The following DPYSL2 variants were observed in gnomAD, a reference collection of about 807,000 sequenced individuals.
DPYSL2 encodes the protein dihydropyrimidinase like 2.
DPYSL2 carries 13 observed loss-of-function variants against 69.9 expected under a neutral mutation model. That is an observed-to-expected ratio of 0.19 (90% CI 0.12 to 0.30). DPYSL2 has a LOEUF of 0.30. DPYSL2 is among the 10% of genes least tolerant of loss of function. The probability of loss-of-function intolerance (pLI) is 1.00; values close to 1 mark genes in which losing one functional copy is unlikely to be tolerated. For synonymous variants in DPYSL2, 326 were observed against 359.1 expected, an observed-to-expected ratio of 0.91 and a Z score of 1.04; for missense variants, 587 against 918.9, an observed-to-expected ratio of 0.64 and a Z score of 4.67.
At chr8:26,552,573 G>A (rs553182108) in intron 1 of DPYSL2, among the ~76,000 whole-genome samples, 76 of 152,322 alleles carry the variant, frequency 5.0e-4, no homozygotes, top group African/African-American at 1.8e-3. Flanking sequence ...TGGAGGCTGG[G>A]AAGTCCAAAG....
intron 1 of DPYSL2, among the ~76,000 whole-genome samples, chr8:26,525,212 G>T (rs1380828361): frequency 2.6e-5 from 4 of 152,066 alleles, no homozygotes; most frequent in Non-Finnish European, 5.9e-5. Flanking sequence ...AATTTCATGA[G>T]TTTTTGAAAT....
rs1449158905 is a variant in DPYSL2 at position 26,630,607 on chromosome 8, C to T, written c.1005+2667C>T. 4.8e-5 allele frequency among the ~76,000 whole-genome samples: 4 copies of T among 83,136 alleles called. No homozygotes were observed. The South Asian group carries it at 1.2e-3, about 25-fold the overall frequency. 54.5% of individuals were successfully genotyped at this position (83,136 alleles called of 152,430 possible). On this transcript the variant is annotated intron_variant, in intron 7 of 13. Coordinates refer to ENST00000521913, the MANE Select transcript of DPYSL2 (RefSeq NM_001197293.3). ...GAGGTACAACATCTCCTTCCCACAA[C>T]TCCAGGGATGCCATTCATGCAGGCT...
chr8:26,655,761 T>C lies in DPYSL2; in HGVS notation c.*55T>C. 1.5e-6 allele frequency: 2 copies of C among 1,357,946 alleles called. No individual in the cohort carries two copies. The highest frequency in any genetic ancestry group is 2.0e-6 in the Non-Finnish European group (2 of 1,008,218). 84.1% of individuals were successfully genotyped at this position (1,357,946 alleles called of 1,614,324 possible). A position where few individuals can be genotyped will look rare whatever the true frequency, so the allele number is the denominator to read the frequency against. On this transcript the variant is annotated 3_prime_UTR_variant, in exon 14 of 14. Transcript: ENST00000521913. Reference sequence around the variant, plus strand: ...CTGGGGATGGGACACCTGAGGACATTCTGAGACTTCTTTCTTCCTTCCTTT... The same window carrying C: ...CTGGGGATGGGACACCTGAGGACATCCTGAGACTTCTTTCTTCCTTCCTTT...
At position 26,605,432 on chromosome 8, in the gene DPYSL2, A is replaced by G. The variant is rs966519300; in HGVS notation, c.629-18711A>G. ...TCTCAAGTAGAGTAGCCAGGATTAC[A>G]TGCACCCACTACCACACCCAGCTAA... On this transcript the variant is annotated intron_variant, in intron 3 of 13. Transcript: ENST00000521913. This position sits in a 1 kb window ranked among gnomAD's most constrained non-coding sequence, Gnocchi z 4.1. 2.6e-5 allele frequency among the ~76,000 whole-genome samples: 4 copies of G among 152,052 alleles called. No homozygotes were observed. The highest frequency in any genetic ancestry group is 9.7e-5 in the African/African-American group (4 of 41,410).
chr8:26,595,490 G>T (rs924909782), intron 3 of DPYSL2, among the ~76,000 whole-genome samples: 1 of 152,088 alleles, frequency 6.6e-6, no homozygotes, highest in Non-Finnish European at 1.5e-5. Context: ...TTTATAAGTG[G>T]CCATTGCTGT....
At chr8:26,651,552 GAATGACTCCTGTGC>G (rs1563200292) in intron 11 of DPYSL2, among the ~76,000 whole-genome samples, 2 of 152,196 alleles carry the variant, frequency 1.3e-5, no homozygotes, top group Non-Finnish European at 2.9e-5. Context: ...CTGCAGGATG[GAATGACTCCTGTGC>G]AATGACTCCT....
chr8:26,583,554 T>C (rs1801534286), intron 2 of DPYSL2, among the ~76,000 whole-genome samples: 1 of 152,210 alleles, frequency 6.6e-6, no homozygotes, highest in Non-Finnish European at 1.5e-5. Context: ...GGGGGTTTCT[T>C]GGGAACAAAA....
rs555615058 is a variant in DPYSL2 at position 26,609,100 on chromosome 8, C to T, written c.629-15043C>T. ...TTTGCTGACGAGCACCCTGTGTACA[C>T]GCTAGTTTTTATTTGAACGAGGTGC... On this transcript the variant is annotated intron_variant, in intron 3 of 13. Transcript: ENST00000521913. The surrounding 1 kb of genome is among the most constrained non-coding windows in gnomAD (Gnocchi z 6.5). 4.6e-5 allele frequency among the ~76,000 whole-genome samples: 7 copies of T among 152,154 alleles called. No individual in the cohort carries two copies. The highest frequency in any genetic ancestry group is 4.1e-4 in the South Asian group (2 of 4,826).
chr8:26,577,539 G>C (rs1348197644), intron 1 of DPYSL2, among the ~76,000 whole-genome samples: 11 of 149,112 alleles, frequency 7.4e-5, no homozygotes, highest in Admixed American at 3.3e-4. Context: ...GCGCAGGCGG[G>C]CAGGGACCGG....
chr8:26,588,194 C>T lies in DPYSL2; in HGVS notation c.628+4211C>T, dbSNP rs1801646553. ...TCTTGTACACTGAGCTCTACTCTCC[C>T]CCGCATGGCCGGAGAAACAGGCTGA... On this transcript the variant is annotated intron_variant, in intron 3 of 13. Transcript: ENST00000521913. This position sits in a 1 kb window ranked among gnomAD's most constrained non-coding sequence, Gnocchi z 5.4. Among the ~76,000 whole-genome samples the T allele has an allele frequency of 6.6e-6, 1 of 152,224 alleles. No homozygotes were observed. Among genetic ancestry groups the T allele is most frequent in the Non-Finnish European group, 1.5e-5 (1 of 68,046 alleles).
Position 26,624,377 on chromosome 8 carries a change from G to A in DPYSL2, c.793+70G>A. 6.4e-7 allele frequency: 1 copy of A among 1,553,282 alleles called. No homozygotes were observed. ...AGTCCATCAACTGGCACAGCCCTGG[G>A]AAGAAAGTGATAATGCTTCCAGATC... On this transcript the variant is annotated intron_variant, in intron 4 of 13. Coordinates refer to ENST00000521913, the MANE Select transcript of DPYSL2 (RefSeq NM_001197293.3). This position sits in a 1 kb window ranked among gnomAD's most constrained non-coding sequence, Gnocchi z 4.7.
intron 3 of DPYSL2, among the ~76,000 whole-genome samples, chr8:26,595,320 C>A (rs1045929834): frequency 2.7e-4 from 40 of 150,708 alleles, no homozygotes; most frequent in Non-Finnish European, 8.9e-5. Flanking sequence ...TTTTTTTTTC[C>A]TCCTCCAAAT....
rs562329248 is a variant in DPYSL2 at position 26,610,313 on chromosome 8, A to G, written c.629-13830A>G. 6.6e-6 allele frequency among the ~76,000 whole-genome samples: 1 copy of G among 152,296 alleles called. No individual in the cohort carries two copies. The highest frequency in any genetic ancestry group is 2.1e-4 in the South Asian group (1 of 4,822). Reference sequence around the variant, plus strand: ...TGTTCCTGATACATTCTGTTGGGATACAGTCCATTTGATAGGAAGGTTGTT... The same window carrying G: ...TGTTCCTGATACATTCTGTTGGGATGCAGTCCATTTGATAGGAAGGTTGTT... On this transcript the variant is annotated intron_variant, in intron 3 of 13. Transcript: ENST00000521913. The surrounding 1 kb of genome is among the most constrained non-coding windows in gnomAD (Gnocchi z 4.5).
chr8:26,556,128 A>AG (rs1366442697), intron 1 of DPYSL2, among the ~76,000 whole-genome samples: 331 of 5,914 alleles, frequency 0.056, 32 homozygotes, highest in Middle Eastern at 0.5. Context: ...TATATATATT[A>AG]TATATACTAT....
rs535009853 is a variant in DPYSL2 at position 26,654,275 on chromosome 8, G to A, written c.1942+878G>A. ...GGGTAATTTGTGTGATATCCCCTTG[G>A]TGAGAGGAAAGGGTTCAGATTTTTA... On this transcript the variant is annotated intron_variant, in intron 13 of 13. Transcript: ENST00000521913. This position sits in a 1 kb window ranked among gnomAD's most constrained non-coding sequence, Gnocchi z 5.0. Among the ~76,000 whole-genome samples the A allele has an allele frequency of 6.6e-6, 1 of 152,304 alleles. No individual in the cohort carries two copies. Among genetic ancestry groups the A allele is most frequent in the African/African-American group, 2.4e-5 (1 of 41,568 alleles).
intron 3 of DPYSL2, among the ~76,000 whole-genome samples, chr8:26,601,478 C>A (rs903157840): frequency 6.6e-6 from 1 of 152,006 alleles, no homozygotes; most frequent in Non-Finnish European, 1.5e-5. Context: ...CCTGGGTTCA[C>A]GCCATTCTCC....
Position 26,648,739 on chromosome 8 carries a change from T to G in DPYSL2, c.1596+939T>G, listed in dbSNP as rs1803222617. Among the ~76,000 whole-genome samples the G allele has an allele frequency of 6.6e-6, 1 of 152,324 alleles. No homozygotes were observed. On this transcript the variant is annotated intron_variant, in intron 11 of 13. Transcript: ENST00000521913. The surrounding 1 kb of genome is among the most constrained non-coding windows in gnomAD (Gnocchi z 4.3). ...ACAGCTTAGGGCAGGTTTCTGGCATTTCTCCGGGACAACCCTGGGACTTTG... is the reference window on the plus strand; with the variant it reads ...ACAGCTTAGGGCAGGTTTCTGGCATGTCTCCGGGACAACCCTGGGACTTTG...
intron 1 of DPYSL2, among the ~76,000 whole-genome samples, chr8:26,527,661 TA>T (rs1808502390): frequency 1.3e-5 from 2 of 152,154 alleles, no homozygotes; most frequent in Admixed American, 6.5e-5. Context: ...ATAAAGACAT[TA>T]AAAAATTATC....
At chr8:26,601,463 C>T (rs967955368) in intron 3 of DPYSL2, among the ~76,000 whole-genome samples, 26 of 152,024 alleles carry the variant, frequency 1.7e-4, no homozygotes, top group Non-Finnish European at 2.4e-4. Context: ...CTGCAAGCTC[C>T]GCCTCCTGGG....
Sources: gnomAD v4.1 joint callset for allele counts (sites outside exome capture counted in the v4.1 genomes callset) on GRCh38, gnomAD v4.1.1 for gene constraint, Gnocchi (gnomAD v3.1) non-coding constraint, MANE v1.5 for transcripts, NCBI Gene and HGNC (gene_info 2026-07-23, HGNC 2026-07-21) for gene names.